Variants in AR observed in about 807,000 individuals in gnomAD.
AR encodes androgen receptor.
A neutral mutation model predicts 53.9 loss-of-function variants in AR; 8 were observed. That is an observed-to-expected ratio of 0.15 (90% confidence interval 0.09 to 0.27). The LOEUF (loss-of-function observed/expected upper bound fraction) is 0.27. Among genes scored for constraint, AR ranks in the 10% least tolerant of loss-of-function variants. AR has a pLI of 1.00. For missense variants in AR, 639 were observed against 742.5 expected (o/e 0.86, Z 1.62); for synonymous variants, 359 against 316.4 (o/e 1.13, Z -1.43).
chrX:67,647,005 G>T (rs934970812), intron 2 of AR, among the ~76,000 whole-genome samples: 1 of 110,984 alleles, frequency 9.0e-6, no homozygotes, highest in Admixed American at 9.6e-5. Context: ...GATCATTGCT[G>T]GGTAACTTCC....
In AR at chrX:67,635,369, T is replaced by A. The variant is rs764550003; in HGVS notation, c.1617-7887T>A. ...TAGAGGCAGGATTCCAACCCAGGTC[T>A]GGTGGGCTCCAAATCCTTGTTGGGT... On this transcript the variant is annotated intron_variant, in intron 1 of 7. Transcript: ENST00000374690. Among the ~76,000 whole-genome samples, 15 of 111,731 alleles carry A rather than the reference T, an allele frequency of 1.3e-4. No homozygotes were observed. In the South Asian group the frequency reaches 5.3e-3, roughly 39 times the overall value.
chrX:67,578,898 G>A (rs1474856650), intron 1 of AR, among the ~76,000 whole-genome samples: 1 of 111,923 alleles, frequency 8.9e-6, no homozygotes, highest in African/African-American at 3.2e-5. Flanking sequence ...ACATTTTGAA[G>A]ATACTATTAC....
chrX:67,693,456 C>T (rs1205195827), intron 3 of AR, among the ~76,000 whole-genome samples: 2 of 112,187 alleles, frequency 1.8e-5, no homozygotes, highest in East Asian at 5.6e-4. Context: ...TTGTTTAAAA[C>T]CATTTTATTA....
chrX:67,721,621 G>A (rs939328959), intron 5 of AR, among the ~76,000 whole-genome samples: 2 of 111,387 alleles, frequency 1.8e-5, no homozygotes, highest in Non-Finnish European at 3.8e-5. Context: ...GTAGTTATCA[G>A]GGTGTCAGGA....
At chrX:67,560,546 G>A (rs1921254906) in intron 1 of AR, among the ~76,000 whole-genome samples, 2 of 111,605 alleles carry the variant, frequency 1.8e-5, no homozygotes, top group African/African-American at 6.5e-5. Context: ...GTATAGTTGT[G>A]TAATGCATGA....
intron 4 of AR, 47 bp from the exon 5 acceptor site, chrX:67,717,431 C>T (rs376276739): frequency 8.3e-7 from 1 of 1,206,070 alleles, no homozygotes; most frequent in South Asian, 1.8e-5. Context: ...CTTAGCTCAA[C>T]CCGTCAGTAC....
intron 3 of AR, among the ~76,000 whole-genome samples, chrX:67,701,221 T>C (rs2076041063): frequency 8.9e-6 from 1 of 112,166 alleles, no homozygotes; most frequent in Non-Finnish European, 1.9e-5. Context: ...TTTTGCTTTC[T>C]ATTTTATAGT....
chrX:67,653,172 A>C (rs1264823765), intron 2 of AR, among the ~76,000 whole-genome samples: 1 of 112,229 alleles, frequency 8.9e-6, no homozygotes, highest in Non-Finnish European at 1.9e-5. Context: ...TTGTTTATTG[A>C]GCAGTCAGTA....
chrX:67,657,396 T>G (rs1339808593), intron 2 of AR, among the ~76,000 whole-genome samples: 3 of 111,011 alleles, frequency 2.7e-5, no homozygotes, highest in Non-Finnish European at 5.7e-5. Context: ...TCCTCCTCCA[T>G]GAAGCATTCA....
intron 3 of AR, among the ~76,000 whole-genome samples, chrX:67,696,867 G>A (rs1002107266): frequency 4.5e-5 from 5 of 111,400 alleles, no homozygotes; most frequent in Non-Finnish European, 9.4e-5. Flanking sequence ...ATAAAGAGTA[G>A]CACCACCCTG....
At chrX:67,637,544 A>G (rs938422917) in intron 1 of AR, among the ~76,000 whole-genome samples, 1 of 108,836 alleles carries the variant, frequency 9.2e-6, no homozygotes, top group Admixed American at 9.9e-5. Flanking sequence ...TCCACGGTGT[A>G]TATGTGCCAC....
intron 1 of AR, among the ~76,000 whole-genome samples, chrX:67,638,137 C>T (rs1282581584): frequency 1.8e-5 from 2 of 111,268 alleles, no homozygotes; most frequent in African/African-American, 6.5e-5. Context: ...ATCCATGTCC[C>T]TGCAAAGGAC....
At position 67,546,159 on chromosome X, in the gene AR, C is replaced by T. The variant is rs1712941494; in HGVS notation, c.1013C>T (p.Thr338Ile). 8.3e-7 allele frequency: 1 copy of T among 1,211,127 alleles called. No individual in the cohort carries two copies. The highest frequency in any genetic ancestry group is 1.8e-5 in the South Asian group (1 of 56,903). Residue 338 changes from threonine to isoleucine, a missense_variant, in exon 1 of 8, where the codon ACA becomes ATA. Thr to Ile is a moderately conservative substitution (Grantham distance 89). Coordinates refer to ENST00000374690, the MANE Select transcript of AR (RefSeq NM_000044.6). ...AGCGCTGCAGCAGGGAGCTCCGGGA[C>T]ACTTGAACTGCCGTCTACCCTGTCT... ...SGSAAAGSSG[T>I]LELPSTLSLY...
chrX:67,630,964 G>C (rs1192875978), intron 1 of AR, among the ~76,000 whole-genome samples: 1 of 110,975 alleles, frequency 9.0e-6, no homozygotes, highest in East Asian at 2.8e-4. Flanking sequence ...GTTGAATATT[G>C]GCCCCTACTC....
At chrX:67,568,089 G>A (rs1016720148) in intron 1 of AR, among the ~76,000 whole-genome samples, 3 of 111,172 alleles carry the variant, frequency 2.7e-5, no homozygotes, top group African/African-American at 6.5e-5. Context: ...ATACCACAAA[G>A]CCCTCTTATT....
intron 1 of AR, among the ~76,000 whole-genome samples, chrX:67,561,486 C>T (rs1204483084): frequency 8.9e-6 from 1 of 111,963 alleles, no homozygotes; most frequent in East Asian, 2.8e-4. Context: ...ATTGTATTAG[C>T]TATTACAAGT....
At chrX:67,548,487 G>A (rs781444406) in intron 1 of AR, among the ~76,000 whole-genome samples, 2 of 110,811 alleles carry the variant, frequency 1.8e-5, no homozygotes, top group African/African-American at 3.3e-5. Context: ...GTCACTAGAC[G>A]GTGGAGCCCC....
intron 2 of AR, among the ~76,000 whole-genome samples, chrX:67,659,987 G>A (rs1296446104): frequency 1.4e-4 from 16 of 112,152 alleles, no homozygotes; most frequent in African/African-American, 5.2e-4. Flanking sequence ...ATTTTTTCAT[G>A]TGTCTGTTGG....
Position 67,545,361 on chromosome X carries a change from A to AGCG in AR, c.217_218insGGC (p.Gln72_Gln73insArg), listed in dbSNP as rs768046863. The AGCG allele has an allele frequency of 3.6e-5, 43 of 1,184,543 alleles. No homozygotes were observed. In the East Asian group the frequency reaches 1.0e-3, roughly 29 times the overall value. On this transcript the variant is annotated inframe_insertion, in exon 1 of 8. Coordinates refer to ENST00000374690, the MANE Select transcript of AR (RefSeq NM_000044.6). Reference sequence around the variant, plus strand: ...CAGCAGCAGCAGCAGCAGCAGCAGCAGCAGCAGCAGCAGCAGCAGCAGCAA... The same window carrying AGCG: ...CAGCAGCAGCAGCAGCAGCAGCAGCAGCGGCAGCAGCAGCAGCAGCAGCAGCAA...
Sources: allele counts gnomAD v4.1 joint callset (sites outside exome capture counted in the v4.1 genomes callset), GRCh38; gene constraint gnomAD v4.1.1; transcripts MANE v1.5; gene names NCBI Gene and HGNC (gene_info 2026-07-23, HGNC 2026-07-21).